The following SI variants were observed in gnomAD, a reference collection of about 807,000 sequenced individuals.
The protein encoded by SI is sucrase-isomaltase.
In SI, 235 loss-of-function variants were observed where a neutral mutation model predicts 253.3. That is an observed-to-expected ratio of 0.93 (90% CI 0.83 to 1.03). The LOEUF (loss-of-function observed/expected upper bound fraction) is 1.03, where lower values mean the gene tolerates loss of function less well. Among genes scored for constraint, SI ranks in the 50% least tolerant of loss-of-function variants. The probability of loss-of-function intolerance (pLI) is 0.00; values close to 1 mark genes in which losing one functional copy is unlikely to be tolerated. For synonymous variants in SI, 819 were observed against 712.0 expected (o/e 1.15, Z -2.39); for missense variants, 2,442 against 2,211.1 (o/e 1.10, Z -2.09).
chr3:164,981,434 CA>C (rs1242346962), intron 47 of SI, among the ~76,000 whole-genome samples: 2 of 151,898 alleles, frequency 1.3e-5, no homozygotes, highest in Non-Finnish European at 2.9e-5. Context: ...TTTTTAGGTT[CA>C]AGTTAGTCGA....
At chr3:165,060,157 C>A in intron 9 of SI, 130 bp from the exon 10 acceptor site, 1 of 780,176 alleles carries the variant, frequency 1.3e-6, no homozygotes, top group Non-Finnish European at 2.0e-6. Flanking sequence ...TTTAAACAAA[C>A]CTTTAGTGTT....
chr3:165,010,239 A>C (rs1157018524), intron 34 of SI, among the ~76,000 whole-genome samples: 1 of 152,096 alleles, frequency 6.6e-6, no homozygotes, highest in Non-Finnish European at 1.5e-5. Context: ...GGCTCACTGC[A>C]ACCTCTGTCT....
intron 19 of SI, 66 bp downstream of exon 19, chr3:165,039,821 G>C: frequency 9.3e-7 from 1 of 1,073,396 alleles, no homozygotes; most frequent in Non-Finnish European, 1.5e-6. Flanking sequence ...CAGATGTTTT[G>C]TAATGTAGGG....
In SI at chr3:164,994,335, G is replaced by A. The variant is rs953874348; in HGVS notation, c.4763C>T (p.Thr1588Ile). 4 of 1,610,738 alleles carry A rather than the reference G, an allele frequency of 2.5e-6. No individual in the cohort carries two copies. Among genetic ancestry groups the A allele is most frequent in the Non-Finnish European group, 3.4e-6 (4 of 1,177,624 alleles). Reference protein sequence around the residue: ...MSRNILNIRYTLLPYFYTQMH... With the variant: ...MSRNILNIRYILLPYFYTQMH... Reference sequence around the variant, plus strand: ...TTGTGTGTAAAAATAGGGCAATAAGGTGTATCTAATATTTAGAATATTCCT... The same window carrying A: ...TTGTGTGTAAAAATAGGGCAATAAGATGTATCTAATATTTAGAATATTCCT... Residue 1588 changes from threonine to isoleucine, a missense_variant, in exon 41 of 48, where the codon ACC becomes ATC. Transcript: ENST00000264382.
rs750727226 is a variant in SI, at chr3:165,019,717, G to A, written c.3308C>T (p.Ser1103Leu). ...TATATATTCTGATGGCAGGCGAGTC[G>A]ATATTTGAATGAACTGGTCATTAAA... is the stretch of plus-strand genomic sequence containing the variant. The part of the protein sequence containing the change: ...FAFNDQFIQI[S>L]TRLPSEYIYG... The change falls in exon 28 of 48, where the codon TCG becomes TTG. Residue 1103 changes from serine to leucine, a missense_variant. By Grantham distance (145) the Ser-to-Leu change is moderately radical (BLOSUM62 -2). Transcript: ENST00000264382. The A allele has an allele frequency of 8.7e-6, 14 of 1,612,320 alleles. No individual in the cohort carries two copies. The highest frequency in any genetic ancestry group is 1.6e-4 in the Middle Eastern group (1 of 6,076).
intron 13 of SI, among the ~76,000 whole-genome samples, chr3:165,051,675 G>A (rs897218800): frequency 2.6e-5 from 4 of 151,706 alleles, no homozygotes; most frequent in Non-Finnish European, 4.4e-5. Context: ...TTTAACATCC[G>A]AATATATAAT....
chr3:165,080,970 T>A (rs1356626864), upstream of SI, among the ~76,000 whole-genome samples: 1 of 151,996 alleles, frequency 6.6e-6, no homozygotes, highest in Non-Finnish European at 1.5e-5. Flanking sequence ...TTGTGTACCT[T>A]CTATTTCGTA....
At position 165,039,877 on chromosome 3, in the gene SI, TAG is replaced by T; in HGVS notation, c.2244+8_2244+9del. 6.3e-7 allele frequency: 1 copy of T among 1,594,426 alleles called. No homozygotes were observed. The highest frequency in any genetic ancestry group is 8.6e-7 in the Non-Finnish European group (1 of 1,162,320). Reference sequence around the variant, plus strand: ...TCAAACAATAAGGTTATTAAACCTGTAGAGCCTACCTGTTTTAGAACAGGAGT... The same window carrying T: ...TCAAACAATAAGGTTATTAAACCTGTAGCCTACCTGTTTTAGAACAGGAGT... On this transcript the variant is annotated splice_region_variant and intron_variant, in intron 19 of 47. Transcript: ENST00000264382.
the SI span, among the ~76,000 whole-genome samples, chr3:165,084,405 C>T: frequency 3.1e-4 from 47 of 152,106 alleles, 1 homozygote; most frequent in East Asian, 7.6e-3. Flanking sequence ...TGGGGAACTT[C>T]CTCCCAGTTA....
At position 165,069,474 on chromosome 3, in the gene SI, C is replaced by T. The variant is rs571995993; in HGVS notation, c.256-279G>A. Among the ~76,000 whole-genome samples the T allele has an allele frequency of 7.2e-5, 11 of 151,974 alleles. No individual in the cohort carries two copies. The East Asian group carries it at 2.1e-3, about 29-fold the overall frequency. ...TGTAAGCTTATGTATTTTAAAGGAA[C>T]CTGATCTCTAAGTAATTATAATTTA... On this transcript the variant is annotated intron_variant, in intron 3 of 47. Coordinates refer to ENST00000264382, the MANE Select transcript of SI (RefSeq NM_001041.4).
chr3:165,018,299 A>G (rs571317469), intron 28 of SI, among the ~76,000 whole-genome samples: 1 of 122,718 alleles, frequency 8.1e-6, no homozygotes, highest in Non-Finnish European at 2.0e-5. Flanking sequence ...GTATATTAAT[A>G]GAAATTAATA....
chr3:164,996,796 TTAGA>T, intron 38 of SI, 24 bp from the exon 39 acceptor site: 1 of 948,200 alleles, frequency 1.1e-6, no homozygotes, highest in Non-Finnish European at 1.6e-6. Flanking sequence ...AAAAAATATC[TTAGA>T]AAGTTATTAT....
chr3:164,979,796 T>C (rs943348236), intron 47 of SI, among the ~76,000 whole-genome samples: 1 of 151,868 alleles, frequency 6.6e-6, no homozygotes, highest in African/African-American at 2.4e-5. Flanking sequence ...TTGTCAAGTA[T>C]TATCCAGTCA....
intron 25 of SI, among the ~76,000 whole-genome samples, chr3:165,028,494 C>CA (rs1328154699): frequency 1.3e-5 from 2 of 151,052 alleles, no homozygotes; most frequent in Admixed American, 6.6e-5. Context: ...TGAGAATAAG[C>CA]AAAAAGAACA....
intron 2 of SI, 38 bp downstream of exon 2, chr3:165,075,857 T>G: frequency 8.1e-7 from 1 of 1,227,686 alleles, no homozygotes; most frequent in South Asian, 1.2e-5. Flanking sequence ...CCTCCTAACT[T>G]CACGATAATG....
chr3:165,070,125 A>G (rs1255010249), intron 3 of SI, among the ~76,000 whole-genome samples: 1 of 146,718 alleles, frequency 6.8e-6, no homozygotes, highest in Non-Finnish European at 1.5e-5. Flanking sequence ...ATTTAAATAG[A>G]TAAGTATATG....
intron 27 of SI, 133 bp from the exon 28 acceptor site, chr3:165,019,903 AC>A: frequency 1.2e-6 from 1 of 810,378 alleles, no homozygotes; most frequent in Non-Finnish European, 2.0e-6. Flanking sequence ...ATACCCAGGT[AC>A]CAAATGGAAA....
chr3:165,066,516 C>T (rs1246211470), intron 6 of SI, among the ~76,000 whole-genome samples: 1 of 151,826 alleles, frequency 6.6e-6, no homozygotes, highest in East Asian at 1.9e-4. Flanking sequence ...TAACTATAGT[C>T]ATCATGTTGA....
rs1401165760 is a variant in SI, at chr3:165,026,998, C to CA, written c.2893-3223dup. On this transcript the variant is annotated intron_variant, in intron 25 of 47. Coordinates refer to ENST00000264382, the MANE Select transcript of SI (RefSeq NM_001041.4). ...GGAGCATAACTAAATGAAATTGAAA[C>CA]AAAAAAATACAAAAGACAACTGAAA... 6.0e-5 allele frequency among the ~76,000 whole-genome samples: 9 copies of CA among 150,772 alleles called. No homozygotes were observed. In the East Asian group the frequency reaches 1.2e-3, roughly 20 times the overall value.
Sources: allele counts gnomAD v4.1 joint callset (sites outside exome capture counted in the v4.1 genomes callset), GRCh38; gene constraint gnomAD v4.1.1; transcripts MANE v1.5; gene names NCBI Gene and HGNC (gene_info 2026-07-23, HGNC 2026-07-21).